KLC3: variants seen among roughly 807,000 people sequenced by gnomAD.
KLC3 encodes kinesin light chain 2.
In KLC3, 72 loss-of-function variants were observed where a neutral mutation model predicts 62.9. The ratio of observed to expected loss-of-function variants is 1.15; its 90% confidence interval spans 0.95 to 1.39. The LOEUF (loss-of-function observed/expected upper bound fraction) is 1.39. Among genes scored for constraint, KLC3 ranks in the 40% most tolerant of loss-of-function variants. The pLI, the probability that KLC3 is intolerant of heterozygous loss-of-function variation, is 0.00. For synonymous variants in KLC3, 377 were observed against 300.5 expected, an observed-to-expected ratio of 1.25 and a Z score of -2.63; for missense variants, 848 against 691.6, an observed-to-expected ratio of 1.23 and a Z score of -2.54.
intron 5 of KLC3, 137 bp from the exon 6 acceptor site, chr19:45,348,509 A>AAAGGCCCTCAAAG (rs1343689451): frequency 1.3e-6 from 1 of 788,034 alleles, no homozygotes; most frequent in African/African-American, 1.7e-5. Flanking sequence ...GGGGCCCACA[A>AAAGGCCCTCAAAG]AAGGCCCTCA....
chr19:45,350,276 GC>G, intron 8 of KLC3, 64 bp from the exon 9 acceptor site: 1 of 1,215,958 alleles, frequency 8.2e-7, no homozygotes, highest in Non-Finnish European at 1.2e-6. Context: ...AAAAAAAAAG[GC>G]GGGACTGGAT....
intron 8 of KLC3, 35 bp downstream of exon 8, chr19:45,349,637 G>A (rs1353614136): frequency 7.1e-6 from 11 of 1,545,802 alleles, no homozygotes; most frequent in Admixed American, 1.8e-5. Context: ...GGCCAAGAGT[G>A]GAGGGTCCTG....
chr19:45,349,730 A>C, intron 8 of KLC3, 128 bp downstream of exon 8: 1 of 883,310 alleles, frequency 1.1e-6, no homozygotes, highest in Non-Finnish European at 1.7e-6. Context: ...CCCTTGGAGC[A>C]AGTGTCAGAC....
At chr19:45,343,527 G>C (rs1384262234) in intron 1 of KLC3, among the ~76,000 whole-genome samples, 1 of 152,030 alleles carries the variant, frequency 6.6e-6, no homozygotes, top group Non-Finnish European at 1.5e-5. Flanking sequence ...TAGAGCCGGG[G>C]TTTCACCATG....
intron 3 of KLC3, 47 bp downstream of exon 3, chr19:45,346,821 CCCCACAGTCCCCCAGACCCTCCTTAGAAT>C (rs766529926): frequency 3.8e-6 from 5 of 1,305,954 alleles, no homozygotes; most frequent in East Asian, 3.2e-5. Context: ...CTTCATAGAG[CCCCACAGTCCCCCAGACCCTCCTTAGAAT>C]CCCACAGTCC....
At position 45,348,810 on chromosome 19, in the gene KLC3, A is replaced by C; in HGVS notation, c.868-10A>C. ...CCCATCCCTGACCTGTGCCTCCCCCAACCCCGCAGGTGGCCGCCACGCTCA... is the reference window on the plus strand; with the variant it reads ...CCCATCCCTGACCTGTGCCTCCCCCCACCCCGCAGGTGGCCGCCACGCTCA... On this transcript the variant is annotated splice_polypyrimidine_tract_variant and intron_variant, in intron 6 of 12. Transcript: ENST00000391946. 1.3e-6 allele frequency: 2 copies of C among 1,563,428 alleles called. No homozygotes were observed. The highest frequency in any genetic ancestry group is 1.7e-6 in the Non-Finnish European group (2 of 1,153,696).
In KLC3 at chr19:45,347,999, C is replaced by T; in HGVS notation, c.618C>T (p.Arg206=). 5.0e-6 allele frequency: 8 copies of T among 1,608,912 alleles called. No homozygotes were observed. Among genetic ancestry groups the T allele is most frequent in the Non-Finnish European group, 5.9e-6 (7 of 1,177,940 alleles). The change falls in exon 5 of 13, where the codon CGC becomes CGT. Residue 206 remains arginine, a synonymous_variant. Transcript: ENST00000391946. ...AQQGGYEIPA[R]LRTLHNLVIQ... ...AGGGTGGCTATGAGATCCCTGCCCG[C>T]CTTCGGACCCTGCATAACCTCGTGA...
chr19:45,341,393 G>C (rs1012137341), intron 1 of KLC3, among the ~76,000 whole-genome samples: 8 of 152,226 alleles, frequency 5.3e-5, no homozygotes, highest in African/African-American at 1.4e-4. Flanking sequence ...AGCACTTTAC[G>C]ACCAAGAGCT....
intron 12 of KLC3, 98 bp downstream of exon 12, chr19:45,351,115 G>A (rs1367778024): frequency 5.0e-6 from 8 of 1,607,476 alleles, no homozygotes; most frequent in Non-Finnish European, 5.9e-6. Context: ...GGAGTCAGCA[G>A]GTGGTGGGTT....
At chr19:45,341,574 TGTGTGCGCGCGC>T (rs1971395579) in intron 1 of KLC3, among the ~76,000 whole-genome samples, 1 of 124,278 alleles carries the variant, frequency 8.0e-6, no homozygotes, top group Non-Finnish European at 1.9e-5. Flanking sequence ...TGTGTGTGTG[TGTGTGCGCGCGC>T]GCGTGTGGTG....
In KLC3 at chr19:45,350,716, C is replaced by A. The variant is rs1384285725; in HGVS notation, c.1348C>A (p.Leu450Ile). The change falls in exon 11 of 13, where the codon CTC becomes ATC. Residue 450 changes from leucine (L) to isoleucine (I), a missense_variant. Leu to Ile is a conservative substitution (Grantham distance 5). Coordinates refer to ENST00000391946, the MANE Select transcript of KLC3 (RefSeq NM_177417.3). ...AGGAAGTGAGAAGCTGGTCTCCCGG[C>A]TCCGAGGCGAGGCGGCGGCAGGAGC... The part of the protein sequence containing the change: ...RRGSEKLVSR[L>I]RGEAAAGAAG... 1.2e-6 allele frequency: 2 copies of A among 1,613,284 alleles called. No homozygotes were observed. Among genetic ancestry groups the A allele is most frequent in the Non-Finnish European group, 1.7e-6 (2 of 1,179,806 alleles).
intron 8 of KLC3, 124 bp downstream of exon 8, chr19:45,349,726 G>C (rs543901718): frequency 2.2e-6 from 2 of 920,704 alleles, no homozygotes; most frequent in East Asian, 5.4e-5. Flanking sequence ...CGGGCCCTTG[G>C]AGCAAGTGTC....
intron 12 of KLC3, 102 bp downstream of exon 12, chr19:45,351,119 G>GTGGGT: frequency 6.2e-7 from 1 of 1,606,390 alleles, no homozygotes; most frequent in East Asian, 2.2e-5. Context: ...TCAGCAGGTG[G>GTGGGT]TGGGTTGGTG....
intron 4 of KLC3, 26 bp from the exon 5 acceptor site, chr19:45,347,915 C>T (rs767994184): frequency 1.3e-6 from 2 of 1,564,480 alleles, no homozygotes; most frequent in Admixed American, 3.7e-5. Context: ...CTTGCAGTGA[C>T]CCAGAGCCCA....
intron 5 of KLC3, among the ~76,000 whole-genome samples, chr19:45,348,375 A>G (rs1971562172): frequency 1.3e-5 from 2 of 152,126 alleles, no homozygotes; most frequent in African/African-American, 4.8e-5. Context: ...AGCCAGGCAG[A>G]GAGGAGTCAG....
Position 45,351,431 on chromosome 19 carries a change from G to C in KLC3, c.*74G>C. The C allele has an allele frequency of 6.3e-7, 1 of 1,590,286 alleles. No homozygotes were observed. The highest frequency in any genetic ancestry group is 8.5e-7 in the Non-Finnish European group (1 of 1,171,486). On this transcript the variant is annotated 3_prime_UTR_variant, in exon 13 of 13. Transcript: ENST00000391946. Reference sequence around the variant, plus strand: ...GGATGGGCTGGTGGGGTGAGAGGGGGTCTATCATCTCCTGGCCCCCCCTTG... The same window carrying C: ...GGATGGGCTGGTGGGGTGAGAGGGGCTCTATCATCTCCTGGCCCCCCCTTG...
intron 5 of KLC3, 73 bp from the exon 6 acceptor site, chr19:45,348,573 T>A: frequency 7.0e-7 from 1 of 1,428,422 alleles, no homozygotes; most frequent in South Asian, 1.2e-5. Context: ...CTGTCAGGAT[T>A]GGCCCAGCCC....
At position 45,350,879 on chromosome 19, in the gene KLC3, T is replaced by G. The variant is rs1416857157; in HGVS notation, c.1380-75T>G. ...CCTGTGATACACACAGATCAAACCC[T>G]GTGCTGGAAAGGTCCCTCGTGGAGG... is the stretch of plus-strand genomic sequence containing the variant. On this transcript the variant is annotated intron_variant, in intron 11 of 12. Coordinates refer to ENST00000391946, the MANE Select transcript of KLC3 (RefSeq NM_177417.3). The G allele has an allele frequency of 2.2e-6, 3 of 1,395,052 alleles. No homozygotes were observed. In the African/African-American group the frequency reaches 5.0e-5, roughly 23 times the overall value. 86.4% of individuals were successfully genotyped at this position (1,395,052 alleles called of 1,614,324 possible).
intron 1 of KLC3, 130 bp from the exon 2 acceptor site, chr19:45,345,404 T>C: frequency 1.7e-6 from 2 of 1,212,066 alleles, no homozygotes; most frequent in South Asian, 2.8e-5. Flanking sequence ...CTGGCCAGGA[T>C]GGGTGGAGCA....
Sources: gnomAD v4.1 joint callset for allele counts (sites outside exome capture counted in the v4.1 genomes callset) on GRCh38, gnomAD v4.1.1 for gene constraint, MANE v1.5 for transcripts, NCBI Gene and HGNC (gene_info 2026-07-23, HGNC 2026-07-21) for gene names.